The following AKAP13 variants were observed in gnomAD, a reference collection of about 807,000 sequenced individuals.
AKAP13 encodes the protein A-kinase anchor protein 13.
A neutral mutation model predicts 264.5 loss-of-function variants in AKAP13; 80 were observed. That is an observed-to-expected ratio of 0.30 (90% CI 0.25 to 0.36). The LOEUF (loss-of-function observed/expected upper bound fraction) is 0.36, where lower values mean the gene tolerates loss of function less well. Among genes scored for constraint, AKAP13 ranks in the 10% least tolerant of loss-of-function variants. AKAP13 has a pLI of 1.00. For synonymous variants in AKAP13, 1,380 were observed against 1,250.2 expected (o/e 1.10, Z -2.19); for missense variants, 3,712 against 3,435.2 (o/e 1.08, Z -2.01).
chr15:85,455,748 C>T (rs2074261101), intron 1 of AKAP13, among the ~76,000 whole-genome samples: 2 of 151,678 alleles, frequency 1.3e-5, no homozygotes, highest in Non-Finnish European at 2.9e-5. Context: ...CAGTCCATCC[C>T]TTTAACAATT....
chr15:85,476,368 A>C (rs1322007866), intron 1 of AKAP13, among the ~76,000 whole-genome samples: 1 of 152,182 alleles, frequency 6.6e-6, no homozygotes, highest in East Asian at 1.9e-4. Flanking sequence ...TATTTTCCTC[A>C]CCATCACCTT....
chr15:85,546,942 C>T (rs2077770618), intron 5 of AKAP13, among the ~76,000 whole-genome samples: 2 of 152,156 alleles, frequency 1.3e-5, no homozygotes, highest in South Asian at 4.1e-4. Flanking sequence ...CGGGGTTTCA[C>T]CATGTTGGTC....
intron 17 of AKAP13, among the ~76,000 whole-genome samples, chr15:85,705,464 T>C (rs2151681468): frequency 6.6e-6 from 1 of 152,134 alleles, no homozygotes; most frequent in Non-Finnish European, 1.5e-5. Flanking sequence ...AGAAAAAAAA[T>C]ATACTTTTTT....
At chr15:85,414,284 A>G (rs1279565222) in intron 1 of AKAP13, among the ~76,000 whole-genome samples, 5 of 152,166 alleles carry the variant, frequency 3.3e-5, no homozygotes, top group Admixed American at 2.0e-4. Context: ...TTTCTAATAC[A>G]TGTTTTGTGG....
In AKAP13 at chr15:85,548,688, T is replaced by C. The variant is rs555953949; in HGVS notation, c.662+4733T>C. ...AATAATAATAATGACATCAGTAAAA[T>C]TAGAGTTAACTGATCAATGAAACTC... On this transcript the variant is annotated intron_variant, in intron 5 of 36. Transcript: ENST00000394518. 3.0e-4 allele frequency among the ~76,000 whole-genome samples: 46 copies of C among 152,290 alleles called. 1 individual carries two copies. Among genetic ancestry groups the C allele is most frequent in the African/African-American group, 1.0e-3 (43 of 41,552 alleles).
chr15:85,562,574 AAT>A (rs1224541443), intron 5 of AKAP13, among the ~76,000 whole-genome samples: 80 of 77,678 alleles, frequency 1.0e-3, no homozygotes, highest in African/African-American at 2.2e-3. Flanking sequence ...CAAAAAAAAA[AAT>A]ATATATATAT....
chr15:85,699,822 C>G (rs1199844451), intron 17 of AKAP13, among the ~76,000 whole-genome samples: 2 of 152,186 alleles, frequency 1.3e-5, no homozygotes, highest in African/African-American at 4.8e-5. Context: ...CAGCTTGAAT[C>G]AGAAGTAGTA....
intron 10 of AKAP13, among the ~76,000 whole-genome samples, chr15:85,648,235 A>G (rs181999188): frequency 1.7e-3 from 254 of 152,366 alleles, no homozygotes; most frequent in African/African-American, 5.8e-3. Flanking sequence ...TCATGGATAT[A>G]CAGAGATTTG....
chr15:85,527,429 C>T (rs975838826), intron 3 of AKAP13, among the ~76,000 whole-genome samples: 2 of 152,102 alleles, frequency 1.3e-5, no homozygotes, highest in African/African-American at 4.8e-5. Context: ...AACACAGTTA[C>T]ACAAATTTGT....
At chr15:85,620,240 C>A in intron 8 of AKAP13, 2 of 1,442,558 alleles carry the variant, frequency 1.4e-6, no homozygotes, top group Non-Finnish European at 1.9e-6. Context: ...AACCCGGTAG[C>A]CATGTCCCTG....
At chr15:85,486,820 G>A (rs2075566679) in intron 2 of AKAP13, among the ~76,000 whole-genome samples, 1 of 148,076 alleles carries the variant, frequency 6.8e-6, no homozygotes. Flanking sequence ...CTCACTGCGA[G>A]CTCCGCCTCC....
intron 1 of AKAP13, among the ~76,000 whole-genome samples, chr15:85,405,011 C>A (rs1040841455): frequency 6.6e-6 from 1 of 152,140 alleles, no homozygotes; most frequent in African/African-American, 2.4e-5. Context: ...ATGCTGTATC[C>A]TAGCACATTC....
intron 1 of AKAP13, among the ~76,000 whole-genome samples, chr15:85,457,124 T>C (rs1020009775): frequency 1.3e-5 from 2 of 152,220 alleles, no homozygotes; most frequent in East Asian, 1.9e-4. Context: ...CCAGACCTCA[T>C]AGAAATAATA....
Position 85,708,870 on chromosome 15 carries a change from T to C in AKAP13, c.5532+784T>C, listed in dbSNP as rs1168552852. Reference sequence around the variant, plus strand: ...ACCTGGAATGTGCATCAGAATCAACTCGAGGGCTTATTGAAAGACAACTTA... The same window carrying C: ...ACCTGGAATGTGCATCAGAATCAACCCGAGGGCTTATTGAAAGACAACTTA... On this transcript the variant is annotated intron_variant, in intron 18 of 36. Transcript: ENST00000394518. The surrounding 1 kb of genome is among the most constrained non-coding windows in gnomAD (Gnocchi z 4.3). 6.6e-6 allele frequency among the ~76,000 whole-genome samples: 1 copy of C among 152,154 alleles called. No homozygotes were observed. Among genetic ancestry groups the C allele is most frequent in the East Asian group, 1.9e-4 (1 of 5,196 alleles).
intron 3 of AKAP13, 128 bp downstream of exon 3, chr15:85,521,703 A>T: frequency 9.3e-7 from 1 of 1,077,020 alleles, no homozygotes. Context: ...TAGTTTATAA[A>T]GCAGTTTGAA....
chr15:85,582,096 A>C lies in AKAP13; in HGVS notation c.4028A>C (p.Glu1343Ala). The C allele has an allele frequency of 6.3e-7, 1 of 1,592,814 alleles. No individual in the cohort carries two copies. The change falls in exon 7 of 37, where the codon GAG (glutamate) becomes GCG (alanine). Residue 1343 changes from glutamate (E) to alanine (A), a missense_variant. Glu to Ala is a moderately radical substitution (Grantham distance 107, BLOSUM62 -1). This residue lies in a region of AKAP13 where 2,759 missense variants were observed against 2,411.7 expected (regional missense o/e 1.14). Transcript: ENST00000394518. Reference sequence around the variant, plus strand: ...ATCATTTTACCTGTCCAGGGGCCTGAGCCAGCAGCAGGTAAGCAAAACATA... The same window carrying C: ...ATCATTTTACCTGTCCAGGGGCCTGCGCCAGCAGCAGGTAAGCAAAACATA... ...EKIILPVQGP[E>A]PAAEMPDVKA...
chr15:85,574,091 C>T (rs1242053635), intron 5 of AKAP13, among the ~76,000 whole-genome samples: 2 of 152,108 alleles, frequency 1.3e-5, no homozygotes, highest in African/African-American at 2.4e-5. Flanking sequence ...CTCTGTATAC[C>T]ACACTGTGTA....
At chr15:85,647,690 A>G (rs2082617803) in intron 10 of AKAP13, among the ~76,000 whole-genome samples, 1 of 152,204 alleles carries the variant, frequency 6.6e-6, no homozygotes, top group Admixed American at 6.5e-5. Context: ...TCACGCCTGT[A>G]ATCCCAGTAC....
At chr15:85,518,571 C>G (rs1420271648) in intron 2 of AKAP13, among the ~76,000 whole-genome samples, 1 of 152,152 alleles carries the variant, frequency 6.6e-6, no homozygotes, top group African/African-American at 2.4e-5. Flanking sequence ...GTGGCTCATG[C>G]CTGTAATCTC....
Sources: allele counts gnomAD v4.1 joint callset (sites outside exome capture counted in the v4.1 genomes callset), GRCh38; gene constraint gnomAD v4.1.1; regional missense constraint gnomAD v4.1.1; non-coding constraint Gnocchi (gnomAD v3.1); transcripts MANE v1.5; gene names NCBI Gene and HGNC (gene_info 2026-07-23, HGNC 2026-07-21).